TNRC6C: variants seen among roughly 807,000 people sequenced by gnomAD.
The protein encoded by TNRC6C is trinucleotide repeat containing adaptor 6C, also known as trinucleotide repeat-containing gene 6C protein.
Under a neutral mutation model 153.7 loss-of-function variants are expected in TNRC6C, and 20 were observed. The ratio of observed to expected loss-of-function variants is 0.13; its 90% confidence interval spans 0.09 to 0.19. TNRC6C has a LOEUF of 0.19. Among genes scored for constraint, TNRC6C ranks in the 10% least tolerant of loss-of-function variants. The probability of loss-of-function intolerance (pLI) is 1.00; values close to 1 mark genes in which losing one functional copy is unlikely to be tolerated. For synonymous variants in TNRC6C, 811 were observed against 841.4 expected (o/e 0.96, Z 0.63); for missense variants, 1,987 against 2,172.0 (o/e 0.91, Z 1.69).
chr17:77,957,932 T>C (rs978736281), upstream of TNRC6C, among the ~76,000 whole-genome samples: 3 of 152,114 alleles, frequency 2.0e-5, no homozygotes, highest in Non-Finnish European at 4.4e-5. Context: ...GAAGGTGTGG[T>C]GTCTGTGCTC....
intron 8 of TNRC6C, among the ~76,000 whole-genome samples, chr17:78,076,791 CA>C (rs1356347334): frequency 1.3e-5 from 2 of 152,174 alleles, no homozygotes; most frequent in African/African-American, 4.8e-5. Context: ...GTTTGTAGGT[CA>C]AAAACAAATG....
chr17:78,032,115 C>A (rs2072087371), intron 2 of TNRC6C, among the ~76,000 whole-genome samples: 1 of 152,202 alleles, frequency 6.6e-6, no homozygotes. Flanking sequence ...TTGGTCCATA[C>A]GAACCCATCA....
At chr17:78,099,993 G>A (rs1004640814) in intron 17 of TNRC6C, among the ~76,000 whole-genome samples, 1 of 152,226 alleles carries the variant, frequency 6.6e-6, no homozygotes, top group Non-Finnish European at 1.5e-5. Flanking sequence ...ATCCAGCAGG[G>A]CAGTCAAATC....
At chr17:78,074,110 T>C (rs1403862768) in intron 7 of TNRC6C, among the ~76,000 whole-genome samples, 1 of 152,226 alleles carries the variant, frequency 6.6e-6, no homozygotes, top group East Asian at 1.9e-4. Flanking sequence ...TAAGGCGCTT[T>C]ACTGCCTTCT....
intron 17 of TNRC6C, among the ~76,000 whole-genome samples, chr17:78,100,019 G>T (rs1259093690): frequency 2.0e-5 from 3 of 152,230 alleles, no homozygotes; most frequent in Admixed American, 1.3e-4. Flanking sequence ...GCTCCAAAAT[G>T]ATCTTTGACT....
chr17:78,055,324 C>T (rs2072632437), intron 3 of TNRC6C, among the ~76,000 whole-genome samples: 1 of 152,162 alleles, frequency 6.6e-6, no homozygotes, highest in Admixed American at 6.5e-5. Flanking sequence ...CACCTCCACA[C>T]GTTGTCCCAT....
At chr17:78,067,520 T>G (rs2072906134) in intron 4 of TNRC6C, among the ~76,000 whole-genome samples, 1 of 152,190 alleles carries the variant, frequency 6.6e-6, no homozygotes, top group Non-Finnish European at 1.5e-5. Context: ...TAAGGAAGTT[T>G]AGAACAGCAC....
chr17:78,051,481 A>T (rs1445780117), intron 3 of TNRC6C, 33 bp downstream of exon 5: 310 of 103,416 alleles, frequency 3.0e-3, no homozygotes, highest in Middle Eastern at 6.9e-3. Flanking sequence ...CTTTACAAGT[A>T]AAAAAAAAAA....
intron 15 of TNRC6C, 132 bp from the exon 18 acceptor site, chr17:78,093,488 A>G: frequency 1.8e-6 from 2 of 1,105,938 alleles, no homozygotes; most frequent in Admixed American, 2.4e-5. Flanking sequence ...GAAAGAGAGT[A>G]TAAGGTGTAC....
At position 78,060,374 on chromosome 17, in the gene TNRC6C, T is replaced by G. The variant is rs1292565664; in HGVS notation, c.2396-4348T>G. ...AGGCCGTTGGTATGAGTAAAAAATC[T>G]CATCTCATTAATATTTAGGTCAGTA... On this transcript the variant is annotated intron_variant, in intron 3 of 19. Coordinates refer to ENST00000301624, the Ensembl canonical transcript of TNRC6C. 2.6e-5 allele frequency among the ~76,000 whole-genome samples: 4 copies of G among 151,926 alleles called. 1 individual carries two copies. The highest frequency in any genetic ancestry group is 2.0e-4 in the Admixed American group (3 of 15,250).
upstream of TNRC6C, among the ~76,000 whole-genome samples, chr17:78,001,677 A>G (rs1350872281): frequency 6.6e-6 from 1 of 152,232 alleles, no homozygotes; most frequent in Non-Finnish European, 1.5e-5. Flanking sequence ...ACAGTGATCC[A>G]ATAAAATCTT....
chr17:78,088,785 A>G (rs1373055618), intron 13 of TNRC6C, among the ~76,000 whole-genome samples: 1 of 151,990 alleles, frequency 6.6e-6, no homozygotes, highest in African/African-American at 2.4e-5. Context: ...AAGTTCTTAA[A>G]TAGTGCCTAG....
rs2072475578 is a variant in TNRC6C, at chr17:78,049,466, A to T, written c.404A>T (p.Gln135Leu). 6.2e-7 allele frequency: 1 copy of T among 1,613,942 alleles called. No individual in the cohort carries two copies. Among genetic ancestry groups the T allele is most frequent in the South Asian group, 1.1e-5 (1 of 91,088 alleles). The change falls in exon 3 of 20, where the codon CAA becomes CTA. Residue 135 changes from glutamine to leucine, a missense_variant. This residue lies in a region of TNRC6C where 1,052 missense variants were observed against 1,017.0 expected (regional missense o/e 1.03). Coordinates refer to ENST00000301624, the Ensembl canonical transcript of TNRC6C. This position sits in a 1 kb window ranked among gnomAD's most constrained non-coding sequence, Gnocchi z 4.1. ...TGCAGTCCAGTCAGTGCCATAGGTC[A>T]AAATATGGGCAACCAGAACGGGAAC...
chr17:77,981,761 C>T (rs141399154), intron 1 of TNRC6C, among the ~76,000 whole-genome samples: 1 of 152,146 alleles, frequency 6.6e-6, no homozygotes, highest in Non-Finnish European at 1.5e-5. Context: ...GGTGGAACAC[C>T]GCTATGCCCG....
chr17:78,063,738 T>C (rs1017181687), intron 3 of TNRC6C, among the ~76,000 whole-genome samples: 1 of 152,210 alleles, frequency 6.6e-6, no homozygotes, highest in African/African-American at 2.4e-5. Context: ...ACTTTACCTT[T>C]ATGTTTTTAA....
upstream of TNRC6C, chr17:78,004,939 C>T: frequency 1.3e-6 from 1 of 784,740 alleles, no homozygotes; most frequent in African/African-American, 1.8e-5. Context: ...TGGGCAAAAA[C>T]TCATTTTTAA....
Position 77,977,056 on chromosome 17 carries a change from A to G in TNRC6C, c.-38+17788A>G, listed in dbSNP as rs141971575. Among the ~76,000 whole-genome samples the G allele has an allele frequency of 1.0e-2, 1,510 of 151,596 alleles. 74 individuals are homozygous for G. Among genetic ancestry groups the G allele is most frequent in the Admixed American group, 0.088 (1,342 of 15,212 alleles). On this transcript the variant is annotated intron_variant, in intron 1 of 22. Transcript: ENST00000636222. ...GTGTACAAATTGTATTAATCATTAT[A>G]TGATAAATGTTTCCAGATGGTATCT...
chr17:78,000,618 G>GCCCCC (rs35005797), upstream of TNRC6C, among the ~76,000 whole-genome samples: 4 of 13,044 alleles, frequency 3.1e-4, no homozygotes, highest in Non-Finnish European at 3.8e-4. Flanking sequence ...TTCTCCCTCC[G>GCCCCC]CCCCCCCCCC....
chr17:78,009,394 T>A (rs539786243), intron 1 of TNRC6C, among the ~76,000 whole-genome samples: 80 of 152,290 alleles, frequency 5.3e-4, no homozygotes, highest in African/African-American at 1.9e-3. Context: ...ACTATGATAA[T>A]TTTCATAAAT....
Sources: gnomAD v4.1 joint callset for allele counts (sites outside exome capture counted in the v4.1 genomes callset) on GRCh38, gnomAD v4.1.1 for gene constraint, gnomAD v4.1.1 regional missense constraint, Gnocchi (gnomAD v3.1) non-coding constraint, MANE v1.5 for transcripts, NCBI Gene and HGNC (gene_info 2026-07-23, HGNC 2026-07-21) for gene names.